Variants in TAF1 observed in about 807,000 individuals in gnomAD.
TAF1 encodes transcription initiation factor TFIID subunit 1.
In TAF1, 2 loss-of-function variants were observed where a neutral mutation model predicts 138.5. The observed-to-expected ratio is 0.01, with a 90% CI of 0.01 to 0.05. The LOEUF is 0.05. Among genes scored for constraint, TAF1 ranks in the 10% least tolerant of loss-of-function variants. The probability of loss-of-function intolerance (pLI) is 1.00; values close to 1 mark genes in which losing one functional copy is unlikely to be tolerated. For missense variants in TAF1, 709 were observed against 1,478.0 expected, an observed-to-expected ratio of 0.48 and a Z score of 8.53; for synonymous variants, 437 against 503.2, an observed-to-expected ratio of 0.87 and a Z score of 1.76.
At chrX:71,480,383 T>TA (rs1333560451) in intron 13 of TAF1, among the ~76,000 whole-genome samples, 1 of 111,222 alleles carries the variant, frequency 9.0e-6, no homozygotes, top group Non-Finnish European at 1.9e-5. Context: ...TCCTGTCTCT[T>TA]AAAAAAAGAG....
At chrX:71,420,770 G>A (rs2036293793) in intron 28 of TAF1, among the ~76,000 whole-genome samples, 1 of 112,982 alleles carries the variant, frequency 8.9e-6, no homozygotes, top group Admixed American at 9.3e-5. Context: ...GGGGGCGCAA[G>A]GCCAGGGCGG....
At chrX:71,491,753 C>T (rs1229328817) in intron 13 of TAF1, 1 of 107,175 alleles carries the variant, frequency 9.3e-6, no homozygotes, top group African/African-American at 3.4e-5. Context: ...GCTCCACCTC[C>T]CAGGTTCATG....
rs781741568 is a variant in TAF1 at position 71,459,656 on chromosome X, A to G, written c.5169A>G (p.Glu1723=). 8.3e-7 allele frequency: 1 copy of G among 1,209,520 alleles called. No homozygotes were observed. Among genetic ancestry groups the G allele is most frequent in the South Asian group, 1.8e-5 (1 of 56,776 alleles). The change falls in exon 36 of 38, where the codon GAA becomes GAG. Residue 1723 remains glutamate (E), a synonymous_variant. Transcript: ENST00000423759. ...AGGATTTGCTTATGTCTGAAGGAGA[A>G]GATGATGAGGAAGATGCTGGGAGTG... ...LYEDLLMSEG[E]DDEEDAGSDE...
chrX:71,406,462 C>T (rs2035476884), intron 25 of TAF1, among the ~76,000 whole-genome samples, 176 bp from the exon 26 acceptor site: 1 of 110,527 alleles, frequency 9.0e-6, no homozygotes, highest in South Asian at 3.8e-4. Flanking sequence ...CTTGGAGAGC[C>T]TATGAGGGCT....
At position 71,460,762 on chromosome X, in the gene TAF1, CGGT is replaced by C. The variant is rs1201831723; in HGVS notation, c.5361_5363del (p.Gly1788del). The C allele has an allele frequency of 8.3e-7, 1 of 1,198,809 alleles. No homozygotes were observed. Among genetic ancestry groups the C allele is most frequent in the African/African-American group, 1.7e-5 (1 of 57,579 alleles). ...AAAGCATGATGTCCTATGAGGGAGA[CGGT>C]GGGGAGGCTTCCCATGGTTTGGAGG... On this transcript the variant is annotated inframe_deletion, in exon 37 of 38. Coordinates refer to ENST00000423759, the MANE Select transcript of TAF1 (RefSeq NM_004606.5).
chrX:71,436,566 C>T (rs1361411218), intron 32 of TAF1, among the ~76,000 whole-genome samples: 2 of 110,084 alleles, frequency 1.8e-5, no homozygotes, highest in Admixed American at 9.7e-5. Context: ...AGGCTGGTCT[C>T]GGACTCCTGG....
intron 28 of TAF1, among the ~76,000 whole-genome samples, chrX:71,420,908 G>T (rs1209306364): frequency 8.9e-6 from 1 of 112,412 alleles, no homozygotes; most frequent in African/African-American, 3.2e-5. Context: ...CTCCCCACCG[G>T]CCCCAGGCAC....
chrX:71,393,611 A>G (rs1254511135), intron 21 of TAF1, 135 bp downstream of exon 21: 3 of 904,733 alleles, frequency 3.3e-6, no homozygotes, highest in Non-Finnish European at 4.4e-6. Flanking sequence ...TCAGGGTAGT[A>G]TATGTTTGTA....
chrX:71,440,212 G>A (rs892110207), intron 32 of TAF1, among the ~76,000 whole-genome samples: 1 of 111,705 alleles, frequency 9.0e-6, no homozygotes, highest in African/African-American at 3.3e-5. Context: ...AACCATTTGA[G>A]ATTGACTTTT....
At chrX:71,451,830 A>AT (rs1457886934) in intron 32 of TAF1, among the ~76,000 whole-genome samples, 5 of 111,346 alleles carry the variant, frequency 4.5e-5, no homozygotes, top group Non-Finnish European at 9.5e-5. Context: ...AGGCAGAAGA[A>AT]TTTTTCTTAG....
exon 15 of TAF1, chrX:71,529,803 A>G: frequency 3.1e-6 from 1 of 326,792 alleles, no homozygotes; most frequent in South Asian, 2.7e-5. Flanking sequence ...CTCCGTTTTG[A>G]TACGTGTCTC....
rs773846874 is a variant in TAF1, at chrX:71,392,554, TTTTC to T, written c.2782-11_2782-8del. On this transcript the variant is annotated splice_polypyrimidine_tract_variant and intron_variant, in intron 18 of 37. Transcript: ENST00000423759. ...ATGTTTCCCACTGCCCTGAGAATCTTTTTCTTTATCTCAGGTTCGCACTGCCCCT... is the reference window on the plus strand; with the variant it reads ...ATGTTTCCCACTGCCCTGAGAATCTTTTTATCTCAGGTTCGCACTGCCCCT... 1.6e-4 allele frequency: 182 copies of T among 1,143,267 alleles called. No homozygotes were observed. Among genetic ancestry groups the T allele is most frequent in the Non-Finnish European group, 2.0e-4 (171 of 865,287 alleles). The allele number at this position is 1,143,267 out of a possible 1,213,427, so 94.2% of individuals were successfully genotyped here. A position where few individuals can be genotyped will look rare whatever the true frequency, so the allele number is the denominator to read the frequency against.
At chrX:71,453,101 G>GGAGGGA (rs373969731) in intron 32 of TAF1, among the ~76,000 whole-genome samples, 32 of 110,229 alleles carry the variant, frequency 2.9e-4, no homozygotes, top group Non-Finnish European at 3.6e-4. Flanking sequence ...GAGAGGGAGA[G>GGAGGGA]GAGGGAGAGG....
chrX:71,431,424 A>G, intron 32 of TAF1, among the ~76,000 whole-genome samples: 1 of 110,808 alleles, frequency 9.0e-6, no homozygotes. Context: ...ATAAAAATAT[A>G]AGTAGATGAG....
chrX:71,499,346 C>T (rs2039454748), intron 13 of TAF1, among the ~76,000 whole-genome samples: 1 of 112,046 alleles, frequency 8.9e-6, no homozygotes, highest in South Asian at 3.7e-4. Flanking sequence ...TTATAGAACA[C>T]CAAGGTTGCC....
At chrX:71,505,595 C>T (rs2147591291) in intron 13 of TAF1, among the ~76,000 whole-genome samples, 1 of 112,261 alleles carries the variant, frequency 8.9e-6, no homozygotes, top group Admixed American at 9.4e-5. Flanking sequence ...GGCCAGTGCT[C>T]CTCAGAACTA....
chrX:71,434,042 T>A (rs986123675), intron 32 of TAF1, among the ~76,000 whole-genome samples: 4 of 112,168 alleles, frequency 3.6e-5, no homozygotes, highest in African/African-American at 1.3e-4. Flanking sequence ...TTCAGCCATA[T>A]AATATGATCC....
chrX:71,452,301 A>T (rs1264252121), intron 32 of TAF1, among the ~76,000 whole-genome samples: 1 of 108,650 alleles, frequency 9.2e-6, no homozygotes, highest in Non-Finnish European at 1.9e-5. Flanking sequence ...CTCACTTCTC[A>T]GACGGGGCGG....
At chrX:71,386,161 C>CA (rs746090192) in intron 14 of TAF1, among the ~76,000 whole-genome samples, 868 of 67,873 alleles carry the variant, frequency 0.013, 15 homozygotes, top group African/African-American at 0.038. Context: ...AACTCCATCT[C>CA]AAAAAAAAAA....
Sources: gnomAD v4.1 joint callset for allele counts (sites outside exome capture counted in the v4.1 genomes callset) on GRCh38, gnomAD v4.1.1 for gene constraint, MANE v1.5 for transcripts, NCBI Gene and HGNC (gene_info 2026-07-23, HGNC 2026-07-21) for gene names.